EEA1: variants seen among roughly 807,000 people sequenced by gnomAD.
EEA1 encodes early endosome antigen 1.
A neutral mutation model predicts 209.2 loss-of-function variants in EEA1; 111 were observed. The ratio of observed to expected loss-of-function variants is 0.53; its 90% CI spans 0.45 to 0.62. The LOEUF (loss-of-function observed/expected upper bound fraction) is 0.62. Ranked by LOEUF, EEA1 falls within the 20% of genes least tolerant of loss-of-function variation. The pLI, the probability that EEA1 is intolerant of heterozygous loss-of-function variation, is 0.00. For synonymous variants in EEA1, 536 were observed against 540.6 expected, an observed-to-expected ratio of 0.99 and a Z score of 0.12; for missense variants, 1,343 against 1,530.8, an observed-to-expected ratio of 0.88 and a Z score of 2.05.
rs578095972 is a variant in EEA1, at chr12:92,906,691, G to C, written c.25-14970C>G. ...TAGCCGGGCATAGTGGCGGGCGCCT[G>C]TAGTCCCAGCTACTGGGGAGGCTGA... On this transcript the variant is annotated intron_variant, in intron 1 of 28. Transcript: ENST00000322349. Among the ~76,000 whole-genome samples the C allele has an allele frequency of 5.3e-5, 8 of 152,046 alleles. No homozygotes were observed. The East Asian group carries it at 1.5e-3, about 29-fold the overall frequency.
At position 92,929,087 on chromosome 12, in the gene EEA1, C is replaced by G. The variant is rs756233800; in HGVS notation, c.-21G>C. On this transcript the variant is annotated 5_prime_UTR_variant, in exon 1 of 29. Coordinates refer to ENST00000322349, the MANE Select transcript of EEA1 (RefSeq NM_003566.4). ...AACATGGTTTAACCACCACCCGGCG[C>G]CGCCGCGGTGACTCTCCAGACCCTG... is the stretch of plus-strand genomic sequence containing the variant. 3.8e-5 allele frequency: 60 copies of G among 1,586,916 alleles called. No individual in the cohort carries two copies. Among genetic ancestry groups the G allele is most frequent in the Non-Finnish European group, 4.8e-5 (56 of 1,167,548 alleles).
At chr12:92,898,142 G>C (rs1879968867) in intron 1 of EEA1, among the ~76,000 whole-genome samples, 1 of 152,140 alleles carries the variant, frequency 6.6e-6, no homozygotes, top group Non-Finnish European at 1.5e-5. Flanking sequence ...ATAACAACCA[G>C]TAATTAAAGC....
In EEA1 at chr12:92,773,372, T is replaced by C. The variant is rs780126058; in HGVS notation, c.*2639A>G. The C allele has an allele frequency of 1.3e-5, 2 of 152,214 alleles. No homozygotes were observed. The highest frequency in any genetic ancestry group is 3.0e-5 in the Non-Finnish European group (2 of 67,716). The allele number at this position is 152,214 out of a possible 1,614,324, so 9.4% of individuals were successfully genotyped here. On this transcript the variant is annotated 3_prime_UTR_variant, in exon 29 of 29. Coordinates refer to ENST00000322349, the MANE Select transcript of EEA1 (RefSeq NM_003566.4). ...ATTTAACATTACTGTCAGGAAACTA[T>C]TAAAGTAGATAATTCCACATTAAGA... is the stretch of plus-strand genomic sequence containing the variant.
chr12:92,843,585 G>A (rs548781516), intron 9 of EEA1, among the ~76,000 whole-genome samples: 1 of 152,086 alleles, frequency 6.6e-6, no homozygotes, highest in African/African-American at 2.4e-5. Flanking sequence ...CATAAAAGCT[G>A]AACCATTACA....
intron 28 of EEA1, 34 bp downstream of exon 28, chr12:92,776,810 C>A: frequency 6.4e-7 from 1 of 1,566,716 alleles, no homozygotes; most frequent in Non-Finnish European, 8.8e-7. Flanking sequence ...CAAATGAAAT[C>A]CAGAAACATA....
Position 92,776,108 on chromosome 12 carries a change from A to G in EEA1, c.4139T>C (p.Ile1380Thr). The G allele has an allele frequency of 6.2e-7, 1 of 1,610,056 alleles. No individual in the cohort carries two copies. The highest frequency in any genetic ancestry group is 8.5e-7 in the Non-Finnish European group (1 of 1,177,572). Reference protein sequence around the residue: ...RRHHCRQCGNIFCAECSAKNA... With the variant: ...RRHHCRQCGNTFCAECSAKNA... ...TTTGGCTGAACATTCAGCACAGAAGATATTTCCACACTGTCGGCAGTGATG... is the reference window on the plus strand; with the variant it reads ...TTTGGCTGAACATTCAGCACAGAAGGTATTTCCACACTGTCGGCAGTGATG... Residue 1380 changes from isoleucine (I) to threonine (T), a missense_variant, in exon 29 of 29, where the codon ATC becomes ACC. Ile to Thr is a moderately conservative substitution (Grantham distance 89). This residue lies in a region of EEA1 where 28 missense variants were observed against 37.7 expected (regional missense o/e 0.74). Transcript: ENST00000322349.
At chr12:92,842,423 A>G in intron 10 of EEA1, 42 bp downstream of exon 10, 2 of 953,856 alleles carry the variant, frequency 2.1e-6, no homozygotes, top group Middle Eastern at 3.1e-4. Flanking sequence ...TTTAAAATAC[A>G]TAAAATCAAT....
chr12:92,926,185 G>A (rs958964902), intron 1 of EEA1, among the ~76,000 whole-genome samples: 3 of 151,896 alleles, frequency 2.0e-5, no homozygotes, highest in South Asian at 2.1e-4. Context: ...TAGAGTCAGG[G>A]TTTCTCCATG....
chr12:92,889,654 T>C (rs1322320409), intron 2 of EEA1, among the ~76,000 whole-genome samples: 2 of 151,840 alleles, frequency 1.3e-5, no homozygotes, highest in Non-Finnish European at 2.9e-5. Context: ...ATCCCAACAC[T>C]TTGGGAAGCT....
chr12:92,829,672 A>G (rs1331556264), intron 11 of EEA1, among the ~76,000 whole-genome samples: 7 of 151,446 alleles, frequency 4.6e-5, no homozygotes, highest in African/African-American at 1.7e-4. Context: ...CCGGCTACTC[A>G]GGAGGCTGAG....
chr12:92,858,762 C>A, intron 3 of EEA1: 2 of 767,738 alleles, frequency 2.6e-6, no homozygotes, highest in South Asian at 2.7e-5. Flanking sequence ...AGGAGAAAGT[C>A]ATCAAAGCCA....
At chr12:92,808,273 A>G (rs1027955227) in intron 18 of EEA1, among the ~76,000 whole-genome samples, 1 of 152,164 alleles carries the variant, frequency 6.6e-6, no homozygotes, top group Non-Finnish European at 1.5e-5. Context: ...AGTGATGACA[A>G]TGTCCTATAT....
intron 10 of EEA1, among the ~76,000 whole-genome samples, 190 bp downstream of exon 10, chr12:92,842,275 T>C (rs901314913): frequency 8.5e-5 from 13 of 152,070 alleles, no homozygotes; most frequent in African/African-American, 9.6e-5. Flanking sequence ...TTAACAGTTA[T>C]AGAATTTCAA....
chr12:92,841,713 A>G (rs944013560), intron 10 of EEA1, among the ~76,000 whole-genome samples: 2 of 152,172 alleles, frequency 1.3e-5, no homozygotes, highest in African/African-American at 4.8e-5. Context: ...GCTACTCTCA[A>G]AAAAGAAAAA....
At chr12:92,847,875 G>A (rs1391677216) in intron 9 of EEA1, among the ~76,000 whole-genome samples, 2 of 152,022 alleles carry the variant, frequency 1.3e-5, no homozygotes, top group African/African-American at 4.8e-5. Flanking sequence ...CGTTTTAAGT[G>A]CCTAACATAG....
At position 92,852,205 on chromosome 12, in the gene EEA1, T is replaced by C. The variant is rs779787677; in HGVS notation, c.612A>G (p.Ala204=). 3.8e-5 allele frequency: 61 copies of C among 1,592,200 alleles called. No homozygotes were observed. The highest frequency in any genetic ancestry group is 5.0e-5 in the Non-Finnish European group (58 of 1,170,420). The change falls in exon 8 of 29, where the codon GCA becomes GCG. Residue 204 remains alanine, a synonymous_variant. Transcript: ENST00000322349. ...TRLTEELNKE[A]TVIQDLKTEL... ...CCGTCTTCAGATCTTGAATTACAGT[T>C]GCCTCTTTGTTTAATTCTTCTGTCA...
At chr12:92,809,630 G>A (rs1875396289) in intron 17 of EEA1, among the ~76,000 whole-genome samples, 1 of 151,596 alleles carries the variant, frequency 6.6e-6, no homozygotes, top group Admixed American at 6.6e-5. Context: ...GGGAGGCAGA[G>A]GTTGCAGCGA....
At chr12:92,921,866 C>CAAAAAAAAAAAAAAA (rs756583756) in intron 1 of EEA1, among the ~76,000 whole-genome samples, 2 of 83,448 alleles carry the variant, frequency 2.4e-5, no homozygotes, top group African/African-American at 4.8e-5. Context: ...GACTCTGTCT[C>CAAAAAAAAAAAAAAA]AAAAAAAAAA....
intron 2 of EEA1, among the ~76,000 whole-genome samples, chr12:92,870,035 A>G (rs2136729458): frequency 6.6e-6 from 1 of 152,168 alleles, no homozygotes; most frequent in East Asian, 1.9e-4. Flanking sequence ...CTGTCCTCCT[A>G]TAAAGTTTTT....
Sources: allele counts gnomAD v4.1 joint callset (sites outside exome capture counted in the v4.1 genomes callset), GRCh38; gene constraint gnomAD v4.1.1; regional missense constraint gnomAD v4.1.1; transcripts MANE v1.5; gene names NCBI Gene and HGNC (gene_info 2026-07-23, HGNC 2026-07-21).